PDZD2: variants seen among roughly 807,000 people sequenced by gnomAD.
PDZD2 encodes PDZ domain-containing protein 2.
Under a neutral mutation model 220.7 loss-of-function variants are expected in PDZD2, and 90 were observed. That is an observed-to-expected ratio of 0.41 (90% CI 0.34 to 0.49). The LOEUF is 0.49. PDZD2 is among the 20% of genes least tolerant of loss of function. The pLI is 0.28. For synonymous variants in PDZD2, 1,375 were observed against 1,450.5 expected (o/e 0.95, Z 1.18); for missense variants, 3,174 against 3,608.5 (o/e 0.88, Z 3.08).
intron 1 of PDZD2, among the ~76,000 whole-genome samples, chr5:31,679,257 C>T (rs409839): frequency 0.89 from 135,329 of 152,316 alleles, 60,727 homozygotes; most frequent in South Asian, 0.96. Context: ...TTCCAGGCTT[C>T]CTTATGGAAA....
At chr5:31,881,271 C>T (rs1739873594) in intron 2 of PDZD2, among the ~76,000 whole-genome samples, 1 of 151,080 alleles carries the variant, frequency 6.6e-6, no homozygotes, top group Non-Finnish European at 1.5e-5. Flanking sequence ...TAGGGTTAGT[C>T]TCCCAGGAAT....
At chr5:31,733,629 C>T (rs891855066) in intron 1 of PDZD2, among the ~76,000 whole-genome samples, 3 of 152,178 alleles carry the variant, frequency 2.0e-5, no homozygotes, top group Admixed American at 2.0e-4. Flanking sequence ...ACGATAGAAG[C>T]TTTGCCTTCT....
intron 24 of PDZD2, among the ~76,000 whole-genome samples, chr5:32,106,838 A>AAATC (rs1459091444): frequency 6.6e-6 from 1 of 152,240 alleles, no homozygotes; most frequent in East Asian, 1.9e-4. Flanking sequence ...ACTAGGGACC[A>AAATC]AATCATTTTC....
At chr5:31,707,785 A>T (rs565205663) in intron 1 of PDZD2, among the ~76,000 whole-genome samples, 1 of 151,950 alleles carries the variant, frequency 6.6e-6, no homozygotes, top group Non-Finnish European at 1.5e-5. Context: ...CACCACCATG[A>T]CCAGGTAATT....
chr5:31,779,335 G>A (rs73058477), intron 1 of PDZD2, among the ~76,000 whole-genome samples: 2,746 of 145,058 alleles, frequency 0.019, 102 homozygotes, highest in African/African-American at 0.067. Flanking sequence ...ATCCTTTAAC[G>A]TTATTTATGT....
intron 6 of PDZD2, among the ~76,000 whole-genome samples, chr5:32,012,301 C>T (rs528843303): frequency 5.3e-5 from 8 of 152,328 alleles, no homozygotes; most frequent in Non-Finnish European, 1.0e-4. Flanking sequence ...GTCTGCACCC[C>T]CTCTGCTGAG....
chr5:32,056,482 A>G (rs1301379982), intron 10 of PDZD2, among the ~76,000 whole-genome samples: 3 of 152,166 alleles, frequency 2.0e-5, no homozygotes, highest in Non-Finnish European at 4.4e-5. Context: ...GCATCTTTGT[A>G]GTGTTTTTGA....
intron 2 of PDZD2, among the ~76,000 whole-genome samples, chr5:31,954,211 GTT>G (rs1747449652): frequency 6.6e-6 from 1 of 152,116 alleles, no homozygotes; most frequent in Non-Finnish European, 1.5e-5. Flanking sequence ...CACCACATGA[GTT>G]TTGTTTTTTG....
chr5:31,991,108 G>T (rs569720374), intron 3 of PDZD2, among the ~76,000 whole-genome samples: 2 of 152,336 alleles, frequency 1.3e-5, no homozygotes, highest in African/African-American at 2.4e-5. Flanking sequence ...GGTTACAGAG[G>T]TTCGCATATG....
intron 2 of PDZD2, chr5:31,854,921 G>A (rs1167723599): frequency 4.2e-6 from 4 of 963,138 alleles, no homozygotes; most frequent in South Asian, 4.8e-5. Context: ...GAGGAGGGGG[G>A]GGTCCTCCCA....
intron 3 of PDZD2, among the ~76,000 whole-genome samples, chr5:31,991,450 G>T (rs1833813): frequency 6.6e-6 from 1 of 152,022 alleles, no homozygotes; most frequent in East Asian, 1.9e-4. Context: ...GATACTTCAC[G>T]GACTTTTGGC....
At chr5:31,826,922 AC>A (rs1756263689) in intron 2 of PDZD2, among the ~76,000 whole-genome samples, 1 of 152,136 alleles carries the variant, frequency 6.6e-6, no homozygotes, top group South Asian at 2.1e-4. Flanking sequence ...AGCCGGGGTG[AC>A]CTGCCTCCAA....
At chr5:31,837,744 G>A (rs373293610) in intron 2 of PDZD2, among the ~76,000 whole-genome samples, 1 of 151,416 alleles carries the variant, frequency 6.6e-6, no homozygotes, top group African/African-American at 2.4e-5. Context: ...AAAATTAGCC[G>A]GGCATGATGG....
intron 1 of PDZD2, among the ~76,000 whole-genome samples, chr5:31,761,074 G>A (rs1751618522): frequency 1.3e-5 from 2 of 152,170 alleles, no homozygotes; most frequent in African/African-American, 4.8e-5. Context: ...TAGGGGTGGT[G>A]GTGACGGGAG....
chr5:32,000,532 C>T lies in PDZD2; in HGVS notation c.1254+261C>T, dbSNP rs112200492. 9.1e-3 allele frequency among the ~76,000 whole-genome samples: 1,361 copies of T among 149,812 alleles called. 15 individuals are homozygous for T. The highest frequency in any genetic ancestry group is 0.03 in the African/African-American group (1,205 of 39,524). On this transcript the variant is annotated intron_variant, in intron 5 of 24. Transcript: ENST00000438447. The surrounding 1 kb of genome is among the most constrained non-coding windows in gnomAD (Gnocchi z 4.5). ...GTTTTTGTTTTTGTTTTTTTTGAGACGGAGTTTCACTCTTGTTGCCTAGTC... is the reference window on the plus strand; with the variant it reads ...GTTTTTGTTTTTGTTTTTTTTGAGATGGAGTTTCACTCTTGTTGCCTAGTC...
intron 7 of PDZD2, among the ~76,000 whole-genome samples, chr5:32,044,936 C>G (rs1169855894): frequency 6.6e-6 from 1 of 152,186 alleles, no homozygotes; most frequent in Non-Finnish European, 1.5e-5. Flanking sequence ...TATGTTCATT[C>G]TAAAGATATT....
chr5:31,994,735 C>T (rs1258404176), intron 3 of PDZD2, among the ~76,000 whole-genome samples: 2 of 152,134 alleles, frequency 1.3e-5, no homozygotes, highest in Non-Finnish European at 2.9e-5. Context: ...GATCCACCTG[C>T]CTCGGCCTCT....
intron 1 of PDZD2, chr5:31,742,348 A>G (rs1561423340): frequency 6.6e-6 from 1 of 151,152 alleles, no homozygotes; most frequent in Non-Finnish European, 1.5e-5. Context: ...TTTATTTTTT[A>G]TTAAAGACTG....
intron 1 of PDZD2, among the ~76,000 whole-genome samples, chr5:31,782,970 C>T (rs1473691745): frequency 1.3e-5 from 2 of 151,944 alleles, no homozygotes; most frequent in Non-Finnish European, 2.9e-5. Context: ...TGCCTCAGCC[C>T]CACAAAGTGC....
Sources: allele counts gnomAD v4.1 joint callset (sites outside exome capture counted in the v4.1 genomes callset), GRCh38; gene constraint gnomAD v4.1.1; non-coding constraint Gnocchi (gnomAD v3.1); transcripts MANE v1.5; gene names NCBI Gene and HGNC (gene_info 2026-07-23, HGNC 2026-07-21).